The following CCDC90B variants were observed in gnomAD, a reference collection of about 807,000 sequenced individuals.
CCDC90B encodes the protein coiled-coil domain-containing protein 90B, mitochondrial.
A neutral mutation model predicts 37.0 loss-of-function variants in CCDC90B; 24 were observed. The ratio of observed to expected loss-of-function variants is 0.65; its 90% CI spans 0.47 to 0.91. CCDC90B has a LOEUF of 0.91. Ranked by LOEUF, CCDC90B falls within the 40% of genes least tolerant of loss-of-function variation. The pLI, the probability that CCDC90B is intolerant of heterozygous loss-of-function variation, is 0.00. For missense variants in CCDC90B, 319 were observed against 299.0 expected (o/e 1.07, Z -0.49); for synonymous variants, 113 against 101.1 (o/e 1.12, Z -0.71).
chr11:83,274,575 C>T, intron 4 of CCDC90B, 64 bp downstream of exon 4: 2 of 931,300 alleles, frequency 2.1e-6, no homozygotes, highest in Non-Finnish European at 3.3e-6. Flanking sequence ...TAACTTATTC[C>T]TTAAGTAGGA....
chr11:83,264,073 C>T (rs534759932), intron 8 of CCDC90B, among the ~76,000 whole-genome samples: 1 of 152,124 alleles, frequency 6.6e-6, no homozygotes, highest in Non-Finnish European at 1.5e-5. Context: ...TATAGAAATA[C>T]TAGCACAGGG....
chr11:83,273,678 A>G lies in CCDC90B; in HGVS notation c.563T>C (p.Leu188Pro), dbSNP rs772674254. The G allele has an allele frequency of 1.4e-5, 22 of 1,603,790 alleles. No homozygotes were observed. The highest frequency in any genetic ancestry group is 1.8e-5 in the Non-Finnish European group (21 of 1,176,812). ...TGTAAATTCTGTAGTTGTTTCCATA[A>G]GTTGCTTTTCTTGATCTGTAAACTA... ...TDMFTDQEKQLMETTTEFTKK... is the reference protein window; with the variant it reads ...TDMFTDQEKQPMETTTEFTKK... Residue 188 changes from leucine to proline, a missense_variant, in exon 7 of 9, where the codon CTT becomes CCT. Coordinates refer to ENST00000529689, the MANE Select transcript of CCDC90B (RefSeq NM_021825.5).
intron 7 of CCDC90B, among the ~76,000 whole-genome samples, chr11:83,272,326 A>C (rs1864730698): frequency 6.6e-6 from 1 of 152,186 alleles, no homozygotes; most frequent in African/African-American, 2.4e-5. Flanking sequence ...ATCATCTTTT[A>C]GGGGTATGAC....
At position 83,260,964 on chromosome 11, in the gene CCDC90B, C is replaced by T. The variant is rs1051850927; in HGVS notation, c.*947G>A. On this transcript the variant is annotated 3_prime_UTR_variant, in exon 9 of 9. Transcript: ENST00000529689. ...ATTTAAGATGGGTTAACTTAAACTA[C>T]ATTAAGAAGCAGGGATAAACTGGTT... is the stretch of plus-strand genomic sequence containing the variant. 1.3e-5 allele frequency: 2 copies of T among 152,078 alleles called. No individual in the cohort carries two copies. The highest frequency in any genetic ancestry group is 4.8e-5 in the African/African-American group (2 of 41,404). 9.4% of individuals were successfully genotyped at this position (152,078 alleles called of 1,614,324 possible). A position where few individuals can be genotyped will look rare whatever the true frequency, so the allele number is the denominator to read the frequency against.
chr11:83,260,252 TG>T lies in CCDC90B; in HGVS notation c.*1658del, dbSNP rs1380096340. 6.6e-6 allele frequency: 1 copy of T among 152,222 alleles called. No individual in the cohort carries two copies. Among genetic ancestry groups the T allele is most frequent in the Non-Finnish European group, 1.5e-5 (1 of 68,040 alleles). The allele number at this position is 152,222 out of a possible 1,614,324, so 9.4% of individuals were successfully genotyped here. A position where few individuals can be genotyped will look rare whatever the true frequency, so the allele number is the denominator to read the frequency against. The stretch of plus-strand genomic sequence containing the variant: ...TCTCTCCTTAAGATTGTCAATTCAA[TG>T]AGAATGAAACCATGTTCATCTCTGT... On this transcript the variant is annotated 3_prime_UTR_variant, in exon 9 of 9. Coordinates refer to ENST00000529689, the MANE Select transcript of CCDC90B (RefSeq NM_021825.5).
chr11:83,276,551 C>T (rs1865040803), intron 3 of CCDC90B, among the ~76,000 whole-genome samples: 2 of 152,076 alleles, frequency 1.3e-5, no homozygotes, highest in Admixed American at 6.5e-5. Flanking sequence ...GGTTTTGCCA[C>T]GTTGGCCAGG....
At chr11:83,265,822 A>G (rs766385384) in intron 8 of CCDC90B, 43 bp downstream of exon 8, 5 of 1,271,442 alleles carry the variant, frequency 3.9e-6, no homozygotes, top group Non-Finnish European at 5.7e-6. Context: ...TAGAACTAAC[A>G]GGAAAATTAG....
chr11:83,265,785 C>A, intron 8 of CCDC90B, 80 bp downstream of exon 8: 1 of 830,342 alleles, frequency 1.2e-6, no homozygotes, highest in South Asian at 1.7e-5. Context: ...CCTTTTTTTC[C>A]TGTGCCTGCT....
At chr11:83,285,629 C>T in intron 1 of CCDC90B, 1 of 1,350,746 alleles carries the variant, frequency 7.4e-7, no homozygotes. Context: ...AGAAGCCGGG[C>T]GCGAAGCCCA....
At chr11:83,267,150 G>C (rs540129441) in intron 7 of CCDC90B, 1 of 152,322 alleles carries the variant, frequency 6.6e-6, no homozygotes, top group Admixed American at 6.5e-5. Context: ...CAACAAAGAT[G>C]GGGAAAAACC....
chr11:83,274,039 T>C, intron 4 of CCDC90B, 47 bp from the exon 5 acceptor site: 1 of 1,383,332 alleles, frequency 7.2e-7, no homozygotes, highest in Non-Finnish European at 9.5e-7. Flanking sequence ...ACCAAGTCTA[T>C]ATTATGATTA....
Position 83,278,783 on chromosome 11 carries a change from A to G in CCDC90B, c.267T>C (p.Ala89=). The G allele has an allele frequency of 1.2e-6, 2 of 1,613,700 alleles. No individual in the cohort carries two copies. Among genetic ancestry groups the G allele is most frequent in the Non-Finnish European group, 1.7e-6 (2 of 1,179,840 alleles). ...QAETIVSALT[A]LSNVSLDTIY... ...TAGTATCCAGGCTGACATTTGATAA[A>G]GCAGTTAACGCTGATACAATTGTTT... The change falls in exon 3 of 9, where the codon GCT becomes GCC. Residue 89 remains alanine, a synonymous_variant. Coordinates refer to ENST00000529689, the MANE Select transcript of CCDC90B (RefSeq NM_021825.5).
At chr11:83,269,051 G>A (rs1213134380) in intron 7 of CCDC90B, among the ~76,000 whole-genome samples, 1 of 152,176 alleles carries the variant, frequency 6.6e-6, no homozygotes, top group Non-Finnish European at 1.5e-5. Context: ...AAATAAAGAT[G>A]TTCTTTGAAA....
At chr11:83,280,548 G>A (rs776504241) in intron 1 of CCDC90B, among the ~76,000 whole-genome samples, 1 of 152,138 alleles carries the variant, frequency 6.6e-6, no homozygotes, top group South Asian at 2.1e-4. Flanking sequence ...AAATGCTTTG[G>A]TTATCACCAC....
chr11:83,285,698 T>C (rs541353897), intron 1 of CCDC90B, 175 bp downstream of exon 1: 38 of 1,432,110 alleles, frequency 2.7e-5, no homozygotes, highest in South Asian at 1.6e-4. Context: ...TCCTCGCCCC[T>C]TGGGGCGAGC....
At chr11:83,275,027 T>A (rs1268957744) in intron 3 of CCDC90B, among the ~76,000 whole-genome samples, 2 of 152,020 alleles carry the variant, frequency 1.3e-5, no homozygotes, top group Admixed American at 6.6e-5. Context: ...TCAAAAAAAA[T>A]AATGTTTTGT....
intron 8 of CCDC90B, among the ~76,000 whole-genome samples, chr11:83,264,311 T>A (rs1864113157): frequency 6.6e-6 from 1 of 152,174 alleles, no homozygotes. Context: ...TTTAAAAAGT[T>A]GTAGACTATA....
chr11:83,266,212 G>C (rs1428896408), intron 7 of CCDC90B, among the ~76,000 whole-genome samples: 1 of 152,182 alleles, frequency 6.6e-6, no homozygotes, highest in African/African-American at 2.4e-5. Flanking sequence ...GGTGATTTCT[G>C]CATTTCCAAC....
intron 1 of CCDC90B, among the ~76,000 whole-genome samples, chr11:83,280,653 C>T (rs1472888671): frequency 6.6e-6 from 1 of 152,210 alleles, no homozygotes; most frequent in African/African-American, 2.4e-5. Context: ...ATTTTTTACA[C>T]TTAATCCCTG....
Sources: gnomAD v4.1 joint callset for allele counts (sites outside exome capture counted in the v4.1 genomes callset) on GRCh38, gnomAD v4.1.1 for gene constraint, MANE v1.5 for transcripts, NCBI Gene and HGNC (gene_info 2026-07-23, HGNC 2026-07-21) for gene names.